The following MTUS2 variants were observed in gnomAD, a reference collection of about 807,000 sequenced individuals.
The protein encoded by MTUS2 is microtubule-associated tumor suppressor candidate 2.
In MTUS2, 40 loss-of-function variants were observed where a neutral mutation model predicts 114.1. The ratio of observed to expected loss-of-function variants is 0.35; its 90% CI spans 0.27 to 0.46. The LOEUF (loss-of-function observed/expected upper bound fraction) is 0.46, where lower values mean the gene tolerates loss of function less well. MTUS2 is among the 20% of genes least tolerant of loss of function. The pLI, the probability that MTUS2 is intolerant of heterozygous loss-of-function variation, is 1.00. For missense variants in MTUS2, 1,679 were observed against 1,705.4 expected (o/e 0.98, Z 0.27); for synonymous variants, 688 against 672.0 (o/e 1.02, Z -0.37).
chr13:28,916,816 T>C (rs892203158), intron 2 of MTUS2, among the ~76,000 whole-genome samples: 2 of 151,946 alleles, frequency 1.3e-5, no homozygotes, highest in South Asian at 2.1e-4. Flanking sequence ...TGAGTGACAA[T>C]GGTGAAAGTG....
intron 4 of MTUS2, among the ~76,000 whole-genome samples, chr13:29,058,362 C>T (rs1218287101): frequency 6.6e-6 from 1 of 151,880 alleles, no homozygotes; most frequent in Admixed American, 6.5e-5. Context: ...GTGATATCCT[C>T]AAATATGTTT....
intron 6 of MTUS2, 52 bp downstream of exon 6, chr13:29,281,917 T>G (rs949196864): frequency 6.6e-7 from 1 of 1,508,892 alleles, no homozygotes; most frequent in African/African-American, 1.4e-5. Flanking sequence ...CTTTCTGCAT[T>G]AATAAAAAGT....
At position 29,328,983 on chromosome 13, in the gene MTUS2, A is replaced by G. The variant is rs148849947; in HGVS notation, c.2905+4272A>G. Reference sequence around the variant, plus strand: ...GAGATTTTATGGTTTGTAGGGTGTGACTCCCCCAGGCCCTTAGATAGGAAT... The same window carrying G: ...GAGATTTTATGGTTTGTAGGGTGTGGCTCCCCCAGGCCCTTAGATAGGAAT... On this transcript the variant is annotated intron_variant, in intron 7 of 15. Coordinates refer to ENST00000612955, the MANE Select transcript of MTUS2 (RefSeq NM_001033602.4). Among the ~76,000 whole-genome samples the G allele has an allele frequency of 1.5e-3, 235 of 151,992 alleles. 1 individual carries two copies. The highest frequency in any genetic ancestry group is 5.4e-3 in the African/African-American group (225 of 41,436).
chr13:29,125,233 G>A (rs774883872), intron 5 of MTUS2, among the ~76,000 whole-genome samples: 8 of 152,196 alleles, frequency 5.3e-5, no homozygotes, highest in Non-Finnish European at 1.0e-4. Flanking sequence ...GGCCAATGGG[G>A]TGTAGGTGTT....
intron 5 of MTUS2, among the ~76,000 whole-genome samples, chr13:29,168,627 G>A (rs929733750): frequency 5.9e-5 from 9 of 152,114 alleles, no homozygotes; most frequent in African/African-American, 2.2e-4. Context: ...AAACAAGGAG[G>A]CCCTCATTTT....
chr13:29,048,006 T>C (rs546612467), intron 4 of MTUS2, among the ~76,000 whole-genome samples: 1 of 152,366 alleles, frequency 6.6e-6, no homozygotes, highest in East Asian at 1.9e-4. Flanking sequence ...GATGGCTGAA[T>C]AATATTCTAT....
rs750491809 is a variant in MTUS2 at position 29,104,284 on chromosome 13, T to A, written c.2644+3314T>A. The stretch of plus-strand genomic sequence containing the variant: ...CTTACCATCCAGTTTACCACCCATT[T>A]TACAGCTGAGCAAACTGAGATCAGG... On this transcript the variant is annotated intron_variant, in intron 5 of 15. Transcript: ENST00000612955. Among the ~76,000 whole-genome samples, 349 of 152,112 alleles carry A rather than the reference T, an allele frequency of 2.3e-3. 3 individuals are homozygous for A. The highest frequency in any genetic ancestry group is 3.2e-3 in the Non-Finnish European group (215 of 68,014).
chr13:29,179,976 C>G (rs1177214341), intron 5 of MTUS2, among the ~76,000 whole-genome samples: 1 of 152,136 alleles, frequency 6.6e-6, no homozygotes, highest in African/African-American at 2.4e-5. Context: ...CAAAACTTAT[C>G]CAGAAATCAG....
intron 1 of MTUS2, among the ~76,000 whole-genome samples, chr13:28,838,694 C>T (rs778285444): frequency 6.6e-6 from 1 of 152,152 alleles, no homozygotes; most frequent in Non-Finnish European, 1.5e-5. Flanking sequence ...TCTTCCAGCC[C>T]TCAGCTTTTC....
chr13:28,949,859 A>C (rs1012911711), intron 2 of MTUS2, among the ~76,000 whole-genome samples: 2 of 152,268 alleles, frequency 1.3e-5, no homozygotes, highest in Non-Finnish European at 2.9e-5. Context: ...GTTGGTGAAC[A>C]CTTGCACTGC....
intron 5 of MTUS2, among the ~76,000 whole-genome samples, chr13:29,218,731 T>C (rs1305413656): frequency 3.9e-5 from 6 of 152,166 alleles, no homozygotes; most frequent in Non-Finnish European, 8.8e-5. Context: ...TGAGCAGTAA[T>C]ATTTTGAGAG....
chr13:29,124,057 C>T (rs1051183141), intron 5 of MTUS2, among the ~76,000 whole-genome samples: 4 of 152,222 alleles, frequency 2.6e-5, no homozygotes, highest in African/African-American at 4.8e-5. Context: ...AACACATTAG[C>T]TTGGCATTCA....
At chr13:29,425,838 G>A (rs1183573070) in intron 8 of MTUS2, among the ~76,000 whole-genome samples, 2 of 152,174 alleles carry the variant, frequency 1.3e-5, no homozygotes, top group African/African-American at 4.8e-5. Context: ...AAGAAGAGAA[G>A]CTGAAAATGG....
intron 5 of MTUS2, among the ~76,000 whole-genome samples, chr13:29,231,975 T>C (rs1388108778): frequency 6.6e-6 from 1 of 152,234 alleles, no homozygotes; most frequent in Non-Finnish European, 1.5e-5. Flanking sequence ...ATAAGAATTT[T>C]TTTACTTATA....
chr13:28,924,462 A>G (rs1042436141), intron 2 of MTUS2, among the ~76,000 whole-genome samples: 6 of 152,234 alleles, frequency 3.9e-5, no homozygotes, highest in African/African-American at 1.4e-4. Flanking sequence ...GTACAGATGT[A>G]CAGTGCTCTG....
intron 2 of MTUS2, among the ~76,000 whole-genome samples, chr13:28,851,392 T>C (rs1876256440): frequency 6.6e-6 from 1 of 152,240 alleles, no homozygotes; most frequent in East Asian, 1.9e-4. Flanking sequence ...TGGCATTGGC[T>C]GATCTACAAA....
chr13:29,015,609 A>G (rs894444981), intron 2 of MTUS2, among the ~76,000 whole-genome samples: 3 of 152,212 alleles, frequency 2.0e-5, no homozygotes, highest in African/African-American at 7.2e-5. Flanking sequence ...TGAAGGAAGT[A>G]AAAGGTGTCA....
At chr13:28,937,343 A>G (rs1259655475) in intron 2 of MTUS2, among the ~76,000 whole-genome samples, 2 of 151,584 alleles carry the variant, frequency 1.3e-5, no homozygotes, top group Non-Finnish European at 2.9e-5. Context: ...TGGACCAATC[A>G]GTGCTCTGTA....
At chr13:29,441,204 C>T (rs1021896657) in intron 9 of MTUS2, among the ~76,000 whole-genome samples, 22 of 152,120 alleles carry the variant, frequency 1.4e-4, no homozygotes, top group Admixed American at 3.9e-4. Context: ...TCTCCCCCAC[C>T]AGGAGAAGCC....
Sources: gnomAD v4.1 joint callset for allele counts (sites outside exome capture counted in the v4.1 genomes callset) on GRCh38, gnomAD v4.1.1 for gene constraint, MANE v1.5 for transcripts, NCBI Gene and HGNC (gene_info 2026-07-23, HGNC 2026-07-21) for gene names.